PM20D2: variants seen among roughly 807,000 people sequenced by gnomAD.
The protein encoded by PM20D2 is peptidase M20 domain containing 2, also known as xaa-Arg dipeptidase.
Under a neutral mutation model 42.9 loss-of-function variants are expected in PM20D2, and 33 were observed. The ratio of observed to expected loss-of-function variants is 0.77; its 90% CI spans 0.58 to 1.03. The LOEUF is 1.03. Ranked by LOEUF, PM20D2 falls within the 50% of genes least tolerant of loss-of-function variation. The pLI is 0.00. For synonymous variants in PM20D2, 250 were observed against 228.2 expected (o/e 1.10, Z -0.86); for missense variants, 548 against 557.0 (o/e 0.98, Z 0.16).
At chr6:89,107,609 T>C in the PM20D2 span, among the ~76,000 whole-genome samples, 3 of 152,018 alleles carry the variant, frequency 2.0e-5, no homozygotes, top group Non-Finnish European at 2.9e-5. Flanking sequence ...CGTGTGCCTG[T>C]AGTCCCAGCT....
chr6:89,111,435 A>G, the PM20D2 span, among the ~76,000 whole-genome samples: 5 of 152,174 alleles, frequency 3.3e-5, no homozygotes, highest in Non-Finnish European at 7.3e-5. Flanking sequence ...ACTGTTTTTT[A>G]AAATTGTCAT....
At chr6:89,108,348 G>C in the PM20D2 span, among the ~76,000 whole-genome samples, 1 of 152,196 alleles carries the variant, frequency 6.6e-6, no homozygotes, top group Non-Finnish European at 1.5e-5. Context: ...AGATGATACA[G>C]ACAGATTATG....
the PM20D2 span, among the ~76,000 whole-genome samples, chr6:89,116,670 G>C: frequency 1.3e-5 from 2 of 151,858 alleles, no homozygotes; most frequent in Non-Finnish European, 1.5e-5. Context: ...ATCTACTTTG[G>C]ATGCTGAGGC....
At chr6:89,096,263 CCA>C in the PM20D2 span, 2 of 152,152 alleles carry the variant, frequency 1.3e-5, no homozygotes, top group Admixed American at 1.3e-4. Flanking sequence ...ACTCTGAAGC[CCA>C]GTCACTCCAC....
At chr6:89,141,327 A>G (rs559073798), upstream of PM20D2, among the ~76,000 whole-genome samples, 1 of 152,288 alleles carries the variant, frequency 6.6e-6, no homozygotes, top group Non-Finnish European at 1.5e-5. Flanking sequence ...TGTTTCTGGA[A>G]TCCTTGGACT....
chr6:89,112,807 A>C, the PM20D2 span, among the ~76,000 whole-genome samples: 29 of 152,226 alleles, frequency 1.9e-4, no homozygotes, highest in Admixed American at 3.9e-4. Context: ...TGAACCATAT[A>C]TATCATGGTG....
chr6:89,104,340 G>A, the PM20D2 span, among the ~76,000 whole-genome samples: 1 of 150,794 alleles, frequency 6.6e-6, no homozygotes, highest in African/African-American at 2.4e-5. Flanking sequence ...AGGTTCAAGT[G>A]ATTCTCCTGC....
At chr6:89,108,675 A>T in the PM20D2 span, among the ~76,000 whole-genome samples, 1 of 152,224 alleles carries the variant, frequency 6.6e-6, no homozygotes, top group African/African-American at 2.4e-5. Context: ...AGCTAGATCA[A>T]GGAGGAAGAA....
At chr6:89,099,488 GTA>G in the PM20D2 span, among the ~76,000 whole-genome samples, 8 of 135,066 alleles carry the variant, frequency 5.9e-5, no homozygotes, top group South Asian at 4.7e-4. Context: ...ATATGTGTGT[GTA>G]TATATATATG....
At chr6:89,101,230 A>G in the PM20D2 span, among the ~76,000 whole-genome samples, 2 of 152,262 alleles carry the variant, frequency 1.3e-5, no homozygotes, top group African/African-American at 4.8e-5. Context: ...GCAGATGTAT[A>G]GCATACAGTC....
Position 89,153,060 on chromosome 6 carries a change from A to T in PM20D2, c.632A>T (p.Tyr211Phe). The change falls in exon 3 of 7, where the codon TAT becomes TTT. Residue 211 changes from tyrosine to phenylalanine, a missense_variant. Coordinates refer to ENST00000275072, the MANE Select transcript of PM20D2 (RefSeq NM_001010853.3). ...TTTCCTAGTGTGACTGTGAAATACTATGGAAAAGCATCTCATTCTGCTTCT... is the reference window on the plus strand; with the variant it reads ...TTTCCTAGTGTGACTGTGAAATACTTTGGAAAAGCATCTCATTCTGCTTCT... Reference protein sequence around the residue: ...MAEHDVTVKYYGKASHSASYP... With the variant: ...MAEHDVTVKYFGKASHSASYP... 1 of 1,601,388 alleles carries T rather than the reference A, an allele frequency of 6.2e-7. No homozygotes were observed. Among genetic ancestry groups the T allele is most frequent in the Non-Finnish European group, 8.5e-7 (1 of 1,172,422 alleles).
In PM20D2 at chr6:89,146,498, C is replaced by T. The variant is rs1380927973; in HGVS notation, c.354C>T (p.Pro118=). The T allele has an allele frequency of 4.6e-6, 7 of 1,523,568 alleles. No individual in the cohort carries two copies. The highest frequency in any genetic ancestry group is 2.8e-5 in the African/African-American group (2 of 70,778). The allele number at this position is 1,523,568 out of a possible 1,614,324, so 94.4% of individuals were successfully genotyped here. A position where few individuals can be genotyped will look rare whatever the true frequency, so the allele number is the denominator to read the frequency against. Residue 118 remains proline (P), a synonymous_variant, in exon 1 of 7, where the codon CCC becomes CCT. Transcript: ENST00000275072. The part of the protein sequence containing the change: ...LGFLCEYDAL[P]GIGHACGHNL... ...TCCTCTGCGAGTACGACGCGCTGCC[C>T]GGCATCGGCCACGCCTGCGGCCACA...
chr6:89,117,862 T>A, the PM20D2 span: 4 of 1,561,898 alleles, frequency 2.6e-6, no homozygotes, highest in Non-Finnish European at 3.5e-6. Flanking sequence ...CAGGGAGGTG[T>A]TGGGGGGCCT....
chr6:89,117,750 C>T, the PM20D2 span: 10 of 1,435,132 alleles, frequency 7.0e-6, no homozygotes, highest in East Asian at 2.5e-4. Flanking sequence ...CGCCGGGCCT[C>T]GGCCGTGCTC....
At chr6:89,128,019 G>T in the PM20D2 span, among the ~76,000 whole-genome samples, 6 of 152,180 alleles carry the variant, frequency 3.9e-5, no homozygotes, top group African/African-American at 1.4e-4. Flanking sequence ...TGTAAAACGT[G>T]TGTTTGAACA....
At chr6:89,099,015 AG>A in the PM20D2 span, 1 of 1,495,962 alleles carries the variant, frequency 6.7e-7, no homozygotes, top group African/African-American at 1.4e-5. Flanking sequence ...TAACACTTTC[AG>A]GAACTTACAT....
At chr6:89,107,156 A>G in the PM20D2 span, 1 of 1,613,654 alleles carries the variant, frequency 6.2e-7, no homozygotes, top group Admixed American at 1.7e-5. Context: ...AAGGATATTG[A>G]ACATAAGCAA....
At chr6:89,099,434 A>ATACACACATATATATATGTGTG in the PM20D2 span, among the ~76,000 whole-genome samples, 5 of 133,870 alleles carry the variant, frequency 3.7e-5, no homozygotes, top group African/African-American at 1.1e-4. Context: ...ATGTGTGTAT[A>ATACACACATATATATATGTGTG]TATATACACA....
chr6:89,155,352 A>G (rs9344907), intron 4 of PM20D2, among the ~76,000 whole-genome samples: 50,484 of 141,476 alleles, frequency 0.36, 9,420 homozygotes, highest in African/African-American at 0.52. Context: ...TTGGCTCACT[A>G]CAACCTCCGC....
Sources: allele counts gnomAD v4.1 joint callset (sites outside exome capture counted in the v4.1 genomes callset), GRCh38; gene constraint gnomAD v4.1.1; transcripts MANE v1.5; gene names NCBI Gene and HGNC (gene_info 2026-07-23, HGNC 2026-07-21).